DNAH3: variants seen among roughly 807,000 people sequenced by gnomAD.
DNAH3 encodes the protein dynein axonemal heavy chain 3, also known as axonemal beta dynein heavy chain 3.
DNAH3 carries 332 observed loss-of-function variants against 432.5 expected under a neutral mutation model. The ratio of observed to expected loss-of-function variants is 0.77; its 90% CI spans 0.70 to 0.84. DNAH3 has a LOEUF of 0.84. Among genes scored for constraint, DNAH3 ranks in the 40% least tolerant of loss-of-function variants. DNAH3 has a pLI of 0.00. For missense variants in DNAH3, 4,861 were observed against 5,114.0 expected, an observed-to-expected ratio of 0.95 and a Z score of 1.51; for synonymous variants, 1,956 against 1,900.2, an observed-to-expected ratio of 1.03 and a Z score of -0.76.
In DNAH3 at chr16:21,085,746, C is replaced by G. The variant is rs548024157; in HGVS notation, c.2877+1103G>C. Among the ~76,000 whole-genome samples, 9 of 152,032 alleles carry G rather than the reference C, an allele frequency of 5.9e-5. No homozygotes were observed. In the East Asian group the frequency reaches 1.7e-3, roughly 29 times the overall value. On this transcript the variant is annotated intron_variant, in intron 19 of 61. Transcript: ENST00000261383. ...AAAGTGCTCCTTGTCACTGTGTTGT[C>G]ATTGGGTCCTTTCAGAGAGAATTTC...
rs373634011 is a variant in DNAH3, at chr16:21,127,770, C to T, written c.1125G>A (p.Ala375=). ...CCTGAGGCTGCAGAGGCAATTTTCC[C>T]GCTAGTATTTCTGCTGTTCGAACAA... The change falls in exon 8 of 62, where the codon GCG becomes GCA. Residue 375 remains alanine, a synonymous_variant. Transcript: ENST00000261383. The T allele has an allele frequency of 7.9e-5, 128 of 1,613,978 alleles. 1 individual carries two copies. In the Middle Eastern group the frequency reaches 1.5e-3, roughly 19 times the overall value.
At chr16:21,148,136 G>T (rs1051028995) in intron 1 of DNAH3, among the ~76,000 whole-genome samples, 2 of 152,102 alleles carry the variant, frequency 1.3e-5, no homozygotes, top group Non-Finnish European at 2.9e-5. Context: ...GGGGCAGGGG[G>T]CATATGACTA....
At chr16:20,984,350 G>A (rs2086080961) in intron 48 of DNAH3, among the ~76,000 whole-genome samples, 2 of 152,106 alleles carry the variant, frequency 1.3e-5, no homozygotes, top group Admixed American at 1.3e-4. Context: ...GTAAAAGGAT[G>A]GCAGCTTAGC....
At chr16:21,027,158 G>T in intron 37 of DNAH3, 31 bp from the exon 38 acceptor site, 1 of 1,523,792 alleles carries the variant, frequency 6.6e-7, no homozygotes, top group South Asian at 1.1e-5. Context: ...GTAGCAGACA[G>T]GGGAAAGGCT....
At position 21,133,665 on chromosome 16, in the gene DNAH3, G is replaced by A. The variant is rs145862644; in HGVS notation, c.1082+594C>T. 1.5e-4 allele frequency among the ~76,000 whole-genome samples: 23 copies of A among 152,098 alleles called. 1 individual carries two copies. The South Asian group carries it at 4.4e-3, about 29-fold the overall frequency. On this transcript the variant is annotated intron_variant, in intron 7 of 61. Transcript: ENST00000261383. ...TGAGACAGGAGAATCGCTTGAACCC[G>A]GGAGGCGGAGGCTGCAGTGAGCCAA...
chr16:20,960,869 A>G (rs2084788650), intron 53 of DNAH3, among the ~76,000 whole-genome samples: 1 of 152,236 alleles, frequency 6.6e-6, no homozygotes, highest in Admixed American at 6.5e-5. Flanking sequence ...GAGGAGTGTG[A>G]GTTCACGGTA....
chr16:20,995,459 C>T (rs2086724508), intron 44 of DNAH3, among the ~76,000 whole-genome samples: 1 of 151,818 alleles, frequency 6.6e-6, no homozygotes, highest in Non-Finnish European at 1.5e-5. Flanking sequence ...GATGGGGTTT[C>T]GCCATCTTGG....
chr16:20,964,523 A>G, exon 53 of DNAH3: 1 of 1,614,156 alleles, frequency 6.2e-7, no homozygotes, highest in Non-Finnish European at 8.5e-7. Flanking sequence ...GGGGTGCCTA[A>G]CTGCAGCGCG....
At chr16:21,064,860 G>GGTAGGTGT (rs2090485321) in intron 24 of DNAH3, among the ~76,000 whole-genome samples, 1 of 131,700 alleles carries the variant, frequency 7.6e-6, no homozygotes, top group African/African-American at 2.7e-5. Context: ...TATTGAGGTA[G>GGTAGGTGT]GTGTGTGTGT....
intron 59 of DNAH3, among the ~76,000 whole-genome samples, chr16:20,938,716 C>T (rs183194959): frequency 2.8e-5 from 4 of 145,104 alleles, no homozygotes; most frequent in Admixed American, 6.9e-5. Flanking sequence ...TGGGGAGGAA[C>T]GTTAGAGTAC....
At chr16:20,953,356 G>A (rs1002061927) in intron 55 of DNAH3, among the ~76,000 whole-genome samples, 2 of 151,892 alleles carry the variant, frequency 1.3e-5, no homozygotes, top group Non-Finnish European at 2.9e-5. Context: ...ACGGGGATTC[G>A]CCATGTTGGC....
At chr16:21,154,874 G>C (rs559282623) in intron 1 of DNAH3, among the ~76,000 whole-genome samples, 1 of 152,070 alleles carries the variant, frequency 6.6e-6, no homozygotes, top group South Asian at 2.1e-4. Context: ...ATTGTTTGTT[G>C]TCTGACAACT....
At chr16:21,098,452 A>G (rs1375711627) in intron 17 of DNAH3, among the ~76,000 whole-genome samples, 164 bp downstream of exon 17, 2 of 151,370 alleles carry the variant, frequency 1.3e-5, no homozygotes, top group Non-Finnish European at 2.9e-5. Context: ...AAAAAAAAAA[A>G]AAAAAAGAAA....
chr16:20,964,905 A>G (rs141490455), exon 53 of DNAH3: 1 of 1,614,090 alleles, frequency 6.2e-7, no homozygotes, highest in Non-Finnish European at 8.5e-7. Flanking sequence ...CAGTCAGATT[A>G]GTATAGCGGA....
chr16:21,056,124 A>C (rs1469034832), intron 27 of DNAH3, among the ~76,000 whole-genome samples: 1 of 151,438 alleles, frequency 6.6e-6, no homozygotes, highest in African/African-American at 2.5e-5. Context: ...TTCTCCCCAC[A>C]TCTCTCCTAC....
intron 23 of DNAH3, among the ~76,000 whole-genome samples, chr16:21,068,288 C>G (rs858182): frequency 0.24 from 33,133 of 135,784 alleles, 3,887 homozygotes; most frequent in East Asian, 0.49. Context: ...CACTCTTCTG[C>G]ATTCTAATAA....
intron 10 of DNAH3, 90 bp downstream of exon 11, chr16:21,121,855 C>T: frequency 8.8e-7 from 1 of 1,133,140 alleles, no homozygotes; most frequent in Admixed American, 2.5e-5. Context: ...ACTGAATATC[C>T]CAGCGACCTG....
At chr16:21,097,423 T>C in exon 18 of DNAH3, 1 of 1,613,960 alleles carries the variant, frequency 6.2e-7, no homozygotes, top group African/African-American at 1.3e-5. Flanking sequence ...ATAAGGTACT[T>C]TGTTCTTCAG....
At chr16:21,000,516 G>T in exon 43 of DNAH3, 1 of 1,598,786 alleles carries the variant, frequency 6.3e-7, no homozygotes, top group Non-Finnish European at 8.5e-7. Context: ...TGAGTTCTGA[G>T]ACCTGTACCA....
Sources: gnomAD v4.1 joint callset for allele counts (sites outside exome capture counted in the v4.1 genomes callset) on GRCh38, gnomAD v4.1.1 for gene constraint, MANE v1.5 for transcripts, NCBI Gene and HGNC (gene_info 2026-07-23, HGNC 2026-07-21) for gene names.